Variants in ZNF385D observed in about 807,000 individuals in gnomAD.
ZNF385D encodes the protein zinc finger protein 659.
ZNF385D carries 15 observed loss-of-function variants against 35.8 expected under a neutral mutation model. The ratio of observed to expected loss-of-function variants is 0.42; its 90% confidence interval spans 0.28 to 0.64. The LOEUF (loss-of-function observed/expected upper bound fraction) is 0.64, where lower values mean the gene tolerates loss of function less well. Ranked by LOEUF, ZNF385D falls within the 30% of genes least tolerant of loss-of-function variation. The pLI is 0.23. For synonymous variants in ZNF385D, 212 were observed against 186.8 expected (o/e 1.13, Z -1.10); for missense variants, 474 against 494.6 (o/e 0.96, Z 0.39).
chr3:21,820,343 G>GC lies in ZNF385D; in HGVS notation c.326-155316_326-155315insG, dbSNP rs1230591109. Among the ~76,000 whole-genome samples, 13 of 151,538 alleles carry GC rather than the reference G, an allele frequency of 8.6e-5. No homozygotes were observed. In the East Asian group the frequency reaches 2.5e-3, roughly 29 times the overall value. ...AAGAACCAACATAAGAAAATGAAAA[G>GC]AAAAACAACACATCTAAATAATTCA... is the stretch of plus-strand genomic sequence containing the variant. On this transcript the variant is annotated intron_variant, in intron 3 of 5. Coordinates refer to the ZNF385D transcript ENST00000494108.
At chr3:22,223,193 G>T (rs922413324) in intron 2 of ZNF385D, among the ~76,000 whole-genome samples, 1 of 152,070 alleles carries the variant, frequency 6.6e-6, no homozygotes, top group African/African-American at 2.4e-5. Flanking sequence ...AATTATAAAT[G>T]TGTTCAGCTC....
intron 1 of ZNF385D, among the ~76,000 whole-genome samples, chr3:21,678,249 T>C (rs1476230884): frequency 2.6e-5 from 4 of 152,122 alleles, no homozygotes; most frequent in Non-Finnish European, 5.9e-5. Flanking sequence ...ATCTGATTTG[T>C]CTGTCAAAGC....
chr3:21,429,617 G>A (rs949787760), intron 5 of ZNF385D, among the ~76,000 whole-genome samples: 19 of 152,036 alleles, frequency 1.2e-4, no homozygotes, highest in South Asian at 6.2e-4. Context: ...TAAGTCTCTC[G>A]ATTCACAGTG....
intron 3 of ZNF385D, among the ~76,000 whole-genome samples, chr3:21,861,229 TC>T (rs1697036686): frequency 6.6e-6 from 1 of 152,082 alleles, no homozygotes. Flanking sequence ...TCTATTTTTT[TC>T]GTGCCATAGT....
At position 21,683,998 on chromosome 3, in the gene ZNF385D, T is replaced by C. The variant is rs555452578; in HGVS notation, c.23-18970A>G. 8.7e-5 allele frequency among the ~76,000 whole-genome samples: 13 copies of C among 150,094 alleles called. 1 individual carries two copies. The highest frequency in any genetic ancestry group is 2.2e-4 in the African/African-American group (9 of 40,802). ...GTGCTGGACTTCTGACCTACAAAAC[T>C]ATAAGCTAATAAATGTGTGATGTTT... On this transcript the variant is annotated intron_variant, in intron 1 of 7. Transcript: ENST00000281523.
intron 2 of ZNF385D, among the ~76,000 whole-genome samples, chr3:21,640,835 T>C (rs1449593756): frequency 1.3e-5 from 2 of 152,144 alleles, no homozygotes; most frequent in Non-Finnish European, 2.9e-5. Context: ...TGAAAGTACC[T>C]CTAGCGACAG....
intron 3 of ZNF385D, among the ~76,000 whole-genome samples, chr3:21,766,836 G>C (rs2070850113): frequency 6.6e-6 from 1 of 152,026 alleles, no homozygotes; most frequent in South Asian, 2.1e-4. Context: ...GTATTTACTG[G>C]AAACACTGTT....
chr3:21,829,284 G>A (rs1437569105), intron 3 of ZNF385D, among the ~76,000 whole-genome samples: 2 of 152,076 alleles, frequency 1.3e-5, no homozygotes, highest in Non-Finnish European at 2.9e-5. Context: ...TTCATTAGAG[G>A]TGGCCAGAAA....
chr3:21,900,892 T>C (rs1263486410), intron 3 of ZNF385D, among the ~76,000 whole-genome samples: 1 of 152,154 alleles, frequency 6.6e-6, no homozygotes, highest in Non-Finnish European at 1.5e-5. Flanking sequence ...ATTTAGTTCA[T>C]ACAATAGCCC....
intron 3 of ZNF385D, among the ~76,000 whole-genome samples, chr3:22,021,046 A>T (rs1697194637): frequency 6.6e-6 from 1 of 151,942 alleles, no homozygotes; most frequent in Non-Finnish European, 1.5e-5. Flanking sequence ...TCTCATTCAT[A>T]AGTGGGAGCT....
chr3:22,236,526 C>G (rs998036134), intron 2 of ZNF385D, among the ~76,000 whole-genome samples: 3 of 152,170 alleles, frequency 2.0e-5, no homozygotes, highest in African/African-American at 7.2e-5. Context: ...AGTATTATGC[C>G]TGTCTAAATG....
At chr3:22,132,887 C>A (rs1450623243) in intron 3 of ZNF385D, among the ~76,000 whole-genome samples, 1 of 151,822 alleles carries the variant, frequency 6.6e-6, no homozygotes, top group Non-Finnish European at 1.5e-5. Flanking sequence ...AGAGATTAAC[C>A]CAACCAAGTT....
chr3:21,575,733 T>C (rs1306822621), intron 2 of ZNF385D, among the ~76,000 whole-genome samples: 1 of 152,128 alleles, frequency 6.6e-6, no homozygotes, highest in Non-Finnish European at 1.5e-5. Flanking sequence ...CATCTGAAAA[T>C]GTCTCTTGAC....
rs71310275 is a variant in ZNF385D at position 21,729,327 on chromosome 3, T to C, written c.22+21568A>G. ...CATCTTTCTTTAAATATTGATTTGC[T>C]AGTCTTTGGCTAAAAGGCCCTCATT... is the stretch of plus-strand genomic sequence containing the variant. On this transcript the variant is annotated intron_variant, in intron 1 of 7. Coordinates refer to ENST00000281523, the MANE Select transcript of ZNF385D (RefSeq NM_024697.3). Among the ~76,000 whole-genome samples the C allele has an allele frequency of 6.1e-3, 931 of 152,316 alleles. 8 individuals are homozygous for C. The highest frequency in any genetic ancestry group is 0.025 in the South Asian group (123 of 4,830).
chr3:21,943,602 A>C (rs1383318008), intron 3 of ZNF385D, among the ~76,000 whole-genome samples: 2 of 152,058 alleles, frequency 1.3e-5, no homozygotes, highest in African/African-American at 4.8e-5. Flanking sequence ...AATTATATAT[A>C]CTACTTTGTA....
chr3:22,090,621 A>G (rs1330063097), intron 3 of ZNF385D, among the ~76,000 whole-genome samples: 1 of 152,174 alleles, frequency 6.6e-6, no homozygotes, highest in East Asian at 1.9e-4. Context: ...AATTTGCACA[A>G]TATTTACTTT....
intron 2 of ZNF385D, among the ~76,000 whole-genome samples, chr3:22,354,824 G>T (rs886401928): frequency 2.0e-5 from 3 of 151,980 alleles, no homozygotes; most frequent in African/African-American, 7.2e-5. Context: ...GTTTAATATG[G>T]TGTTGCGGTT....
chr3:21,805,060 G>A (rs1362288115), intron 3 of ZNF385D, among the ~76,000 whole-genome samples: 3 of 152,168 alleles, frequency 2.0e-5, no homozygotes, highest in Non-Finnish European at 2.9e-5. Context: ...ATACCACTAG[G>A]TGGGTTTCCG....
At chr3:21,943,044 C>G (rs1701608816) in intron 3 of ZNF385D, among the ~76,000 whole-genome samples, 1 of 151,952 alleles carries the variant, frequency 6.6e-6, no homozygotes, top group African/African-American at 2.4e-5. Flanking sequence ...ACTCATACTT[C>G]TAAAAATAAA....
Sources: allele counts gnomAD v4.1 joint callset (sites outside exome capture counted in the v4.1 genomes callset), GRCh38; gene constraint gnomAD v4.1.1; transcripts MANE v1.5; gene names NCBI Gene and HGNC (gene_info 2026-07-23, HGNC 2026-07-21).